Variants in SEMA5A observed in about 807,000 individuals in gnomAD.
SEMA5A encodes the protein semaphorin-5A.
A neutral mutation model predicts 135.5 loss-of-function variants in SEMA5A; 55 were observed. That is an observed-to-expected ratio of 0.41 (90% CI 0.33 to 0.51). The LOEUF is 0.51. Ranked by LOEUF, SEMA5A falls within the 20% of genes least tolerant of loss-of-function variation. The probability of loss-of-function intolerance (pLI) is 0.37; values close to 1 mark genes in which losing one functional copy is unlikely to be tolerated. For synonymous variants in SEMA5A, 580 were observed against 546.5 expected, an observed-to-expected ratio of 1.06 and a Z score of -0.85; for missense variants, 1,290 against 1,419.9, an observed-to-expected ratio of 0.91 and a Z score of 1.47.
At chr5:9,474,680 A>C (rs1759604103) in intron 1 of SEMA5A, among the ~76,000 whole-genome samples, 1 of 152,210 alleles carries the variant, frequency 6.6e-6, no homozygotes, top group African/African-American at 2.4e-5. Flanking sequence ...GTCAGAGTAG[A>C]AATGGCTGCT....
chr5:9,050,438 G>A lies in SEMA5A; in HGVS notation c.2865C>T (p.Ser955=), dbSNP rs757202140. The A allele has an allele frequency of 3.7e-6, 6 of 1,612,656 alleles. No homozygotes were observed. The Admixed American group carries it at 5.0e-5, about 13-fold the overall frequency. ...CACACCTTTTCTCTTCTACGCTACT[G>A]GATCTTGCCACAGATACTTCTGGAA... ...NFIPEVSVAR[S]SSVEEKRCGE... is the part of the protein sequence containing the mutation. Residue 955 remains serine (S), a synonymous_variant, in exon 21 of 23, where the codon TCC becomes TCT. Transcript: ENST00000382496.
intron 1 of SEMA5A, among the ~76,000 whole-genome samples, chr5:9,535,084 A>G (rs1002321161): frequency 6.6e-6 from 1 of 152,092 alleles, no homozygotes; most frequent in African/African-American, 2.4e-5. Context: ...TGCTCTTCCC[A>G]CCTCCCAGCT....
intron 2 of SEMA5A, among the ~76,000 whole-genome samples, chr5:9,408,481 G>T (rs2126594855): frequency 6.6e-6 from 1 of 152,290 alleles, no homozygotes; most frequent in Middle Eastern, 3.4e-3. Context: ...TGGATATGCA[G>T]TAAATACTGA....
chr5:9,372,551 T>C lies in SEMA5A; in HGVS notation c.124+7272A>G, dbSNP rs115433734. On this transcript the variant is annotated intron_variant, in intron 3 of 22. Coordinates refer to ENST00000382496, the MANE Select transcript of SEMA5A (RefSeq NM_003966.3). ...GGATACATGGACACACATAAAGACA[T>C]GGATATGCCTGGAGCTGTGGGACAC... Among the ~76,000 whole-genome samples, 456 of 151,258 alleles carry C rather than the reference T, an allele frequency of 3.0e-3. 3 individuals carry two copies. Among genetic ancestry groups the C allele is most frequent in the African/African-American group, 0.011 (444 of 41,052 alleles).
At chr5:9,171,033 T>C (rs935919405) in intron 11 of SEMA5A, among the ~76,000 whole-genome samples, 7 of 152,112 alleles carry the variant, frequency 4.6e-5, no homozygotes, top group Non-Finnish European at 7.4e-5. Context: ...TCTGCTATCC[T>C]CCTGAAAGAA....
chr5:9,164,038 TATA>T (rs529515874), intron 11 of SEMA5A, among the ~76,000 whole-genome samples: 1,730 of 142,780 alleles, frequency 0.012, 48 homozygotes, highest in African/African-American at 0.042. Flanking sequence ...ATTTATATAA[TATA>T]ATATATATTT....
intron 3 of SEMA5A, among the ~76,000 whole-genome samples, chr5:9,345,011 C>T (rs58620893): frequency 0.041 from 6,277 of 152,170 alleles, 421 homozygotes; most frequent in African/African-American, 0.14. Flanking sequence ...CATCACAGCA[C>T]TAGTAGAATA....
chr5:9,499,667 T>C (rs1735480239), intron 1 of SEMA5A, among the ~76,000 whole-genome samples: 1 of 152,218 alleles, frequency 6.6e-6, no homozygotes, highest in South Asian at 2.1e-4. Flanking sequence ...TTCTTTAGTA[T>C]TTTACTTCTC....
chr5:9,421,296 A>T (rs1757459046), intron 2 of SEMA5A, among the ~76,000 whole-genome samples: 1 of 152,208 alleles, frequency 6.6e-6, no homozygotes, highest in Non-Finnish European at 1.5e-5. Flanking sequence ...ACCAGGTATG[A>T]TTAAAATTAA....
At chr5:9,423,075 G>A (rs1757525737) in intron 2 of SEMA5A, among the ~76,000 whole-genome samples, 2 of 152,110 alleles carry the variant, frequency 1.3e-5, no homozygotes, top group Admixed American at 6.5e-5. Flanking sequence ...ATTAAAGGGT[G>A]TATTAGCTGA....
chr5:9,236,951 C>G (rs1561057332), intron 6 of SEMA5A, among the ~76,000 whole-genome samples: 1 of 152,128 alleles, frequency 6.6e-6, no homozygotes, highest in Non-Finnish European at 1.5e-5. Context: ...TTTATAAATA[C>G]AGAAGGGGGA....
intron 1 of SEMA5A, among the ~76,000 whole-genome samples, chr5:9,443,521 A>C (rs1374638068): frequency 6.6e-6 from 1 of 152,252 alleles, no homozygotes; most frequent in Non-Finnish European, 1.5e-5. Flanking sequence ...AATAAATTTT[A>C]TGGAAAACTG....
Position 9,112,886 on chromosome 5 carries a change from C to T in SEMA5A, c.1926-4599G>A, listed in dbSNP as rs573207947. Among the ~76,000 whole-genome samples, 5 of 152,312 alleles carry T rather than the reference C, an allele frequency of 3.3e-5. No individual in the cohort carries two copies. The South Asian group carries it at 1.0e-3, about 32-fold the overall frequency. On this transcript the variant is annotated intron_variant, in intron 15 of 22. Coordinates refer to ENST00000382496, the MANE Select transcript of SEMA5A (RefSeq NM_003966.3). ...ACCCTAATTTCAAGAGAACTTTCTC[C>T]CTTGTTGGCTTTGAGGAAGCAAGCA...
chr5:9,370,209 GT>G (rs1365639805), intron 3 of SEMA5A, among the ~76,000 whole-genome samples: 2 of 152,198 alleles, frequency 1.3e-5, no homozygotes, highest in Non-Finnish European at 2.9e-5. Flanking sequence ...AATGACAACC[GT>G]TAATCACCTT....
intron 1 of SEMA5A, among the ~76,000 whole-genome samples, chr5:9,507,552 C>T (rs980481800): frequency 6.6e-6 from 1 of 152,116 alleles, no homozygotes; most frequent in Admixed American, 6.5e-5. Context: ...TCTTGGCTTC[C>T]ATATTTGACG....
intron 2 of SEMA5A, among the ~76,000 whole-genome samples, chr5:9,407,276 T>C (rs1198560434): frequency 1.3e-5 from 2 of 152,220 alleles, no homozygotes; most frequent in Non-Finnish European, 1.5e-5. Flanking sequence ...CGTGATTTTA[T>C]TTTCCATATT....
intron 3 of SEMA5A, among the ~76,000 whole-genome samples, chr5:9,354,269 G>A (rs775557924): frequency 7.2e-5 from 11 of 152,118 alleles, no homozygotes; most frequent in Non-Finnish European, 1.2e-4. Context: ...GTTTCCCAGC[G>A]TGGGACGAAG....
intron 13 of SEMA5A, among the ~76,000 whole-genome samples, chr5:9,130,596 C>T (rs981474566): frequency 1.3e-5 from 2 of 152,176 alleles, no homozygotes; most frequent in Admixed American, 1.3e-4. Flanking sequence ...CAAAAATATC[C>T]ATCCCTGGGG....
At position 9,066,405 on chromosome 5, in the gene SEMA5A, C is replaced by T. The variant is rs749792849; in HGVS notation, c.2299+16G>A. On this transcript the variant is annotated intron_variant, in intron 17 of 22. Transcript: ENST00000382496. ...TTCCATGGAAGTGGGTCAGTCCCCA[C>T]GGAATCACTACTCACCATCTGTGGA... The T allele has an allele frequency of 1.9e-5, 31 of 1,611,622 alleles. No homozygotes were observed. Among genetic ancestry groups the T allele is most frequent in the East Asian group, 2.2e-5 (1 of 44,866 alleles).
Sources: gnomAD v4.1 joint callset for allele counts (sites outside exome capture counted in the v4.1 genomes callset) on GRCh38, gnomAD v4.1.1 for gene constraint, MANE v1.5 for transcripts, NCBI Gene and HGNC (gene_info 2026-07-23, HGNC 2026-07-21) for gene names.